KCNK2: variants seen among roughly 807,000 people sequenced by gnomAD.
KCNK2 encodes potassium two pore domain channel subfamily K member 2.
KCNK2 carries 21 observed loss-of-function variants against 40.5 expected under a neutral mutation model. The observed-to-expected ratio is 0.52, with a 90% CI of 0.37 to 0.75. KCNK2 has a LOEUF of 0.75. KCNK2 is among the 30% of genes least tolerant of loss of function. The pLI, the probability that KCNK2 is intolerant of heterozygous loss-of-function variation, is 0.00. For missense variants in KCNK2, 399 were observed against 531.6 expected, an observed-to-expected ratio of 0.75 and a Z score of 2.45; for synonymous variants, 191 against 202.2, an observed-to-expected ratio of 0.94 and a Z score of 0.47.
chr1:215,153,785 C>T (rs1397058781), intron 3 of KCNK2, among the ~76,000 whole-genome samples: 1 of 151,876 alleles, frequency 6.6e-6, no homozygotes, highest in African/African-American at 2.4e-5. Flanking sequence ...GTGTGCTGTT[C>T]CCCTCCCCGT....
intron 1 of KCNK2, among the ~76,000 whole-genome samples, chr1:215,016,723 C>A (rs1656601665): frequency 6.6e-6 from 1 of 151,976 alleles, no homozygotes; most frequent in Admixed American, 6.6e-5. Flanking sequence ...AAAGCACAGG[C>A]AAATGAAAGC....
chr1:215,173,998 G>T (rs1045028806), intron 5 of KCNK2, among the ~76,000 whole-genome samples: 13 of 152,236 alleles, frequency 8.5e-5, no homozygotes, highest in Middle Eastern at 3.4e-3. Flanking sequence ...GTCAATTTTG[G>T]CTTTTGTTGC....
At chr1:215,149,109 T>C (rs1003123488) in intron 3 of KCNK2, among the ~76,000 whole-genome samples, 1 of 152,066 alleles carries the variant, frequency 6.6e-6, no homozygotes, top group African/African-American at 2.4e-5. Context: ...AAAGAGTTGG[T>C]TATTAGGAGA....
intron 6 of KCNK2, among the ~76,000 whole-genome samples, chr1:215,199,844 G>C (rs1000397156): frequency 1.3e-5 from 2 of 152,168 alleles, no homozygotes; most frequent in Non-Finnish European, 2.9e-5. Context: ...GCAGGGAGTA[G>C]AGCATCGTTA....
intron 3 of KCNK2, among the ~76,000 whole-genome samples, chr1:215,141,011 T>A (rs1662149226): frequency 6.6e-6 from 1 of 152,108 alleles, no homozygotes; most frequent in Admixed American, 6.6e-5. Flanking sequence ...TTTTCAATAT[T>A]TTTGTTAAAA....
rs1660102366 is a variant in KCNK2, at chr1:215,099,113, A to G, written c.357+12435A>G. On this transcript the variant is annotated intron_variant, in intron 2 of 6. Coordinates refer to ENST00000444842, the MANE Select transcript of KCNK2 (RefSeq NM_001017425.3). ...TGTTGCACAGATTATTTTATCGCTC[A>G]GGTATTAAGCCTAGTACCTGTTAGT... is the stretch of plus-strand genomic sequence containing the variant. Among the ~76,000 whole-genome samples the G allele has an allele frequency of 2.0e-5, 3 of 151,952 alleles. No individual in the cohort carries two copies. In the South Asian group the frequency reaches 6.2e-4, roughly 31 times the overall value.
intron 2 of KCNK2, among the ~76,000 whole-genome samples, chr1:215,093,139 A>C (rs371222448): frequency 6.6e-6 from 1 of 151,948 alleles, no homozygotes; most frequent in Non-Finnish European, 1.5e-5. Context: ...GTGTAGGTTG[A>C]AATGAACAGA....
At chr1:215,233,032 C>T (rs1019461745) in intron 6 of KCNK2, among the ~76,000 whole-genome samples, 10 of 152,142 alleles carry the variant, frequency 6.6e-5, no homozygotes, top group African/African-American at 2.2e-4. Context: ...CTGGGAGTCC[C>T]CCCAAAACAG....
chr1:215,017,275 G>C (rs1558057815), intron 1 of KCNK2, among the ~76,000 whole-genome samples: 1 of 152,066 alleles, frequency 6.6e-6, no homozygotes, highest in Non-Finnish European at 1.5e-5. Flanking sequence ...TTTTATCAAA[G>C]AGATAGCTGC....
At chr1:215,209,326 ATTT>A (rs1445870642) in intron 6 of KCNK2, among the ~76,000 whole-genome samples, 9 of 25,180 alleles carry the variant, frequency 3.6e-4, no homozygotes, top group African/African-American at 7.8e-4. Flanking sequence ...ATATACACAT[ATTT>A]TTATATATAT....
Position 215,083,066 on chromosome 1 carries a change from G to T in KCNK2, c.-320G>T. The T allele has an allele frequency of 3.5e-6, 1 of 288,114 alleles. No homozygotes were observed. The highest frequency in any genetic ancestry group is 8.7e-5 in the South Asian group (1 of 11,458). The allele number at this position is 288,114 out of a possible 1,614,324, so 17.8% of individuals were successfully genotyped here. ...GGGACCCGGGTCGCCCGCGCTCTCC[G>T]GGTGACCCGGGCCCGGCAGCAGGCG... On this transcript the variant is annotated 5_prime_UTR_variant, in exon 1 of 7. Transcript: ENST00000444842.
At chr1:215,192,154 A>G (rs2153245) in intron 5 of KCNK2, among the ~76,000 whole-genome samples, 2,427 of 152,340 alleles carry the variant, frequency 0.016, 26 homozygotes, top group Non-Finnish European at 0.026. Flanking sequence ...TAATTTGGAT[A>G]AGATTCTTAG....
chr1:215,032,446 T>A (rs912956551), intron 1 of KCNK2, among the ~76,000 whole-genome samples: 1 of 152,064 alleles, frequency 6.6e-6, no homozygotes, highest in African/African-American at 2.4e-5. Flanking sequence ...AACTTTTTTT[T>A]TATAATTTTA....
At chr1:215,223,063 G>T (rs777670750) in intron 6 of KCNK2, among the ~76,000 whole-genome samples, 9 of 151,938 alleles carry the variant, frequency 5.9e-5, no homozygotes, top group Non-Finnish European at 1.0e-4. Context: ...AAAAAATCCC[G>T]GTCAAAGATC....
intron 1 of KCNK2, among the ~76,000 whole-genome samples, chr1:215,054,582 A>G (rs1287263066): frequency 6.6e-6 from 1 of 152,176 alleles, no homozygotes; most frequent in African/African-American, 2.4e-5. Context: ...TTTGCTGGGG[A>G]CAGGAAAGCA....
At chr1:215,045,163 G>T (rs377319591) in intron 1 of KCNK2, among the ~76,000 whole-genome samples, 2 of 150,500 alleles carry the variant, frequency 1.3e-5, no homozygotes, top group Non-Finnish European at 1.5e-5. Context: ...CAGCCTGGGC[G>T]ACAGAGCGAG....
intron 1 of KCNK2, 26 bp downstream of exon 1, chr1:215,083,457 A>T: frequency 6.5e-7 from 1 of 1,538,938 alleles, no homozygotes; most frequent in Non-Finnish European, 9.0e-7. Context: ...CGGTACCCCC[A>T]CCCCTCTGGC....
intron 2 of KCNK2, among the ~76,000 whole-genome samples, chr1:215,095,719 C>T (rs1659947881): frequency 6.6e-6 from 1 of 151,994 alleles, no homozygotes; most frequent in African/African-American, 2.4e-5. Flanking sequence ...ATCTGTGCCT[C>T]TAGGACATGC....
intron 1 of KCNK2, among the ~76,000 whole-genome samples, chr1:215,013,696 T>G (rs942131423): frequency 1.3e-5 from 2 of 152,194 alleles, no homozygotes; most frequent in Non-Finnish European, 2.9e-5. Context: ...TAAATGGAAC[T>G]TTGAAAAATG....
Sources: gnomAD v4.1 joint callset for allele counts (sites outside exome capture counted in the v4.1 genomes callset) on GRCh38, gnomAD v4.1.1 for gene constraint, MANE v1.5 for transcripts, NCBI Gene and HGNC (gene_info 2026-07-23, HGNC 2026-07-21) for gene names.